Variants in SLC3A1 observed in about 807,000 individuals in gnomAD.
SLC3A1 encodes the protein solute carrier family 3 member 1.
SLC3A1 carries 78 observed loss-of-function variants against 60.3 expected under a neutral mutation model. That is an observed-to-expected ratio of 1.29 (90% CI 1.08 to 1.56). SLC3A1 has a LOEUF of 1.56. Ranked by LOEUF, SLC3A1 falls within the 40% of genes most tolerant of loss-of-function variation. The pLI, the probability that SLC3A1 is intolerant of heterozygous loss-of-function variation, is 0.00. For synonymous variants in SLC3A1, 392 were observed against 307.9 expected, an observed-to-expected ratio of 1.27 and a Z score of -2.86; for missense variants, 1,172 against 858.9, an observed-to-expected ratio of 1.36 and a Z score of -4.56.
intron 4 of SLC3A1, among the ~76,000 whole-genome samples, chr2:44,299,245 G>T (rs1414734333): frequency 2.6e-5 from 4 of 151,844 alleles, no homozygotes; most frequent in Non-Finnish European, 5.9e-5. Context: ...CATCATGTTG[G>T]CCAGGCTGGT....
intron 8 of SLC3A1, 152 bp downstream of exon 8, chr2:44,312,905 C>A: frequency 1.5e-6 from 1 of 664,098 alleles, no homozygotes; most frequent in Non-Finnish European, 2.6e-6. Flanking sequence ...AGTAAGAATT[C>A]TCAGCTTTCT....
At chr2:44,299,859 G>C in intron 4 of SLC3A1, 112 bp from the exon 5 acceptor site, 1 of 1,073,128 alleles carries the variant, frequency 9.3e-7, no homozygotes, top group South Asian at 1.3e-5. Context: ...TGCTTGTTCT[G>C]TATGTAGATA....
Position 44,305,411 on chromosome 2 carries a change from A to C in SLC3A1, c.1332+1073A>C, listed in dbSNP as rs189285022. 3.5e-3 allele frequency among the ~76,000 whole-genome samples: 505 copies of C among 145,860 alleles called. 1 individual carries two copies. The highest frequency in any genetic ancestry group is 5.7e-3 in the Non-Finnish European group (384 of 67,500). ...AGTTTCTTTCTCTCATATAAAAGAC[A>C]ACCTTTCTTTTCTTACTTTTTTTTT... is the stretch of plus-strand genomic sequence containing the variant. On this transcript the variant is annotated intron_variant, in intron 7 of 9. Transcript: ENST00000260649.
At chr2:44,297,498 C>A (rs1671884071) in intron 4 of SLC3A1, among the ~76,000 whole-genome samples, 1 of 152,172 alleles carries the variant, frequency 6.6e-6, no homozygotes, top group Non-Finnish European at 1.5e-5. Context: ...TCCTGCTGTG[C>A]CCACCCACAT....
chr2:44,276,367 C>T (rs1671341748), intron 1 of SLC3A1, among the ~76,000 whole-genome samples: 1 of 152,108 alleles, frequency 6.6e-6, no homozygotes, highest in South Asian at 2.1e-4. Context: ...GCTAGTTTGG[C>T]TGTGTGGCTG....
intron 1 of SLC3A1, among the ~76,000 whole-genome samples, chr2:44,279,724 A>G (rs1392454599): frequency 3.9e-5 from 6 of 152,114 alleles, no homozygotes; most frequent in Non-Finnish European, 2.9e-5. Flanking sequence ...ATATATACAT[A>G]TTGTTATTTT....
intron 7 of SLC3A1, among the ~76,000 whole-genome samples, chr2:44,311,262 A>G (rs935046024): frequency 1.8e-4 from 27 of 152,174 alleles, no homozygotes; most frequent in African/African-American, 6.5e-4. Context: ...AATTTCTCTT[A>G]TCTATTTGAT....
chr2:44,311,958 G>C (rs575285620), intron 7 of SLC3A1, among the ~76,000 whole-genome samples: 3 of 152,162 alleles, frequency 2.0e-5, no homozygotes, highest in Non-Finnish European at 2.9e-5. Flanking sequence ...CATGCTCAGC[G>C]TATGCACATG....
At chr2:44,308,634 T>G (rs2104377843) in intron 7 of SLC3A1, among the ~76,000 whole-genome samples, 1 of 152,346 alleles carries the variant, frequency 6.6e-6, no homozygotes, top group Middle Eastern at 3.4e-3. Flanking sequence ...ATTATTAGTG[T>G]ATAGAAATAC....
rs201121824 is a variant in SLC3A1 at position 44,300,980 on chromosome 2, C to A, written c.1012-23C>A. 5 of 1,613,356 alleles carry A rather than the reference C, an allele frequency of 3.1e-6. 1 individual carries two copies. Among genetic ancestry groups the A allele is most frequent in the South Asian group, 2.2e-5 (2 of 91,038 alleles). Reference sequence around the variant, plus strand: ...CATGCAATGTATGAAATGAGGGTAACCATGTCGTCCTGGTTTTCAAAGGAC... The same window carrying A: ...CATGCAATGTATGAAATGAGGGTAAACATGTCGTCCTGGTTTTCAAAGGAC... On this transcript the variant is annotated intron_variant, in intron 5 of 9. Coordinates refer to ENST00000260649, the MANE Select transcript of SLC3A1 (RefSeq NM_000341.4).
chr2:44,275,802 C>T lies in SLC3A1; in HGVS notation c.267C>T (p.Leu89=). The change falls in exon 1 of 10, where the codon CTC becomes CTT. Residue 89 remains leucine, a synonymous_variant. Coordinates refer to ENST00000260649, the MANE Select transcript of SLC3A1 (RefSeq NM_000341.4). The stretch of plus-strand genomic sequence containing the variant: ...GCTACCGCATACCTCGGGAGATCCT[C>T]TTCTGGCTCACAGTGGCTTCTGTGC... ...QARYRIPREI[L]FWLTVASVLV... 6.2e-7 allele frequency: 1 copy of T among 1,614,280 alleles called. No homozygotes were observed. Among genetic ancestry groups the T allele is most frequent in the South Asian group, 1.1e-5 (1 of 91,092 alleles).
At chr2:44,299,863 GTAGA>G in intron 4 of SLC3A1, 104 bp from the exon 5 acceptor site, 2 of 1,088,558 alleles carry the variant, frequency 1.8e-6, no homozygotes, top group Non-Finnish European at 2.8e-6. Flanking sequence ...TGTTCTGTAT[GTAGA>G]TATCTGTTTT....
chr2:44,312,631 C>G lies in SLC3A1; in HGVS notation c.1378C>G (p.Gln460Glu), dbSNP rs377076690. Residue 460 changes from glutamine (Q) to glutamate (E), a missense_variant, in exon 8 of 10, where the codon CAG becomes GAG. Gln to Glu is a conservative substitution (Grantham distance 29). Transcript: ENST00000260649. ...SSRLTSRLGN[Q>E]YVNVMNMLLF... ...ACGGCTGACTTCGCGTTTGGGGAAT[C>G]AGTATGTCAACGTGATGAACATGCT... is the stretch of plus-strand genomic sequence containing the variant. 7 of 1,613,848 alleles carry G rather than the reference C, an allele frequency of 4.3e-6. No homozygotes were observed. In the African/African-American group the frequency reaches 6.7e-5, roughly 15 times the overall value.
chr2:44,304,465 G>C (rs1672101484), intron 7 of SLC3A1, 127 bp downstream of exon 7: 1 of 778,860 alleles, frequency 1.3e-6, no homozygotes, highest in Non-Finnish European at 2.2e-6. Flanking sequence ...TGATTGTTCA[G>C]TGGTCAGGCC....
Position 44,312,616 on chromosome 2 carries a change from T to A in SLC3A1, c.1363T>A (p.Ser455Thr). The A allele has an allele frequency of 6.2e-7, 1 of 1,614,042 alleles. No homozygotes were observed. Among genetic ancestry groups the A allele is most frequent in the Non-Finnish European group, 8.5e-7 (1 of 1,179,902 alleles). The part of the protein sequence containing the change: ...IGGPDSSRLT[S>T]RLGNQYVNVM... ...TGGACCAGACAGTTCACGGCTGACT[T>A]CGCGTTTGGGGAATCAGTATGTCAA... The change falls in exon 8 of 10, where the codon TCG becomes ACG. Residue 455 changes from serine (S) to threonine (T), a missense_variant. Ser to Thr is a moderately conservative substitution (Grantham distance 58). Transcript: ENST00000260649.
Position 44,320,789 on chromosome 2 carries a change from A to T in SLC3A1, c.*150A>T. The T allele has an allele frequency of 1.4e-6, 1 of 690,264 alleles. No individual in the cohort carries two copies. Among genetic ancestry groups the T allele is most frequent in the East Asian group, 2.7e-5 (1 of 37,054 alleles). The allele number at this position is 690,264 out of a possible 1,614,324, so 42.8% of individuals were successfully genotyped here. ...TGTAACTGCTTTAAGAAAGGTTCTCAAATGTTTTGAAAAAAATAAAATGTT... is the reference window on the plus strand; with the variant it reads ...TGTAACTGCTTTAAGAAAGGTTCTCTAATGTTTTGAAAAAAATAAAATGTT... On this transcript the variant is annotated 3_prime_UTR_variant, in exon 10 of 10. Transcript: ENST00000260649.
chr2:44,305,878 T>A (rs1182984737), intron 7 of SLC3A1, among the ~76,000 whole-genome samples: 7 of 152,200 alleles, frequency 4.6e-5, no homozygotes, highest in Non-Finnish European at 8.8e-5. Context: ...GGAAGCCTTC[T>A]GGAGCCCCCA....
chr2:44,280,878 C>T lies in SLC3A1; in HGVS notation c.593C>T (p.Ala198Val). The part of the protein sequence containing the change: ...GTMEDFENLV[A>V]AIHDKGLKLI... Reference sequence around the variant, plus strand: ...ATGGAAGATTTTGAGAATCTGGTTGCAGCCATACATGATAAAGGTAAGTTG... The same window carrying T: ...ATGGAAGATTTTGAGAATCTGGTTGTAGCCATACATGATAAAGGTAAGTTG... Residue 198 changes from alanine to valine, a missense_variant, in exon 2 of 10, where the codon GCA (alanine) becomes GTA (valine). Transcript: ENST00000260649. 1.2e-6 allele frequency: 2 copies of T among 1,613,938 alleles called. No individual in the cohort carries two copies. Among genetic ancestry groups the T allele is most frequent in the Admixed American group, 1.7e-5 (1 of 60,012 alleles).
Position 44,320,536 on chromosome 2 carries a change from C to T in SLC3A1, c.1955C>T (p.Thr652Met), listed in dbSNP as rs121912695. ...GAGGGACTCATCTTTGAACACAACA[C>T]GAAGAATCTCCTTCATCGCCAAACA... ...KGEGLIFEHN[T>M]KNLLHRQTAF... The change falls in exon 10 of 10, where the codon ACG becomes ATG. Residue 652 changes from threonine (T) to methionine (M), a missense_variant. Physicochemically the swap from Thr to Met is moderately conservative, Grantham distance 81. Transcript: ENST00000260649. The T allele has an allele frequency of 9.9e-6, 16 of 1,613,918 alleles. No individual in the cohort carries two copies. Among genetic ancestry groups the T allele is most frequent in the African/African-American group, 2.7e-5 (2 of 74,916 alleles).
Sources: allele counts gnomAD v4.1 joint callset (sites outside exome capture counted in the v4.1 genomes callset), GRCh38; gene constraint gnomAD v4.1.1; transcripts MANE v1.5; gene names NCBI Gene and HGNC (gene_info 2026-07-23, HGNC 2026-07-21).